Variants in ADAMTS3 observed in about 807,000 individuals in gnomAD.
ADAMTS3 encodes the protein A disintegrin and metalloproteinase with thrombospondin motifs 3.
In ADAMTS3, 73 loss-of-function variants were observed where a neutral mutation model predicts 129.0. That is an observed-to-expected ratio of 0.57 (90% CI 0.47 to 0.69). The LOEUF (loss-of-function observed/expected upper bound fraction) is 0.69, where lower values mean the gene tolerates loss of function less well. Among genes scored for constraint, ADAMTS3 ranks in the 30% least tolerant of loss-of-function variants. The pLI, the probability that ADAMTS3 is intolerant of heterozygous loss-of-function variation, is 0.00. For missense variants in ADAMTS3, 1,457 were observed against 1,514.5 expected, an observed-to-expected ratio of 0.96 and a Z score of 0.63; for synonymous variants, 477 against 510.8, an observed-to-expected ratio of 0.93 and a Z score of 0.89.
chr4:72,365,101 T>G (rs535848374), intron 4 of ADAMTS3, among the ~76,000 whole-genome samples: 1 of 152,190 alleles, frequency 6.6e-6, no homozygotes, highest in Non-Finnish European at 1.5e-5. Context: ...TTGAAGAATT[T>G]CATACTTGCA....
At chr4:72,559,743 T>C (rs1233918973) in intron 2 of ADAMTS3, among the ~76,000 whole-genome samples, 1 of 151,834 alleles carries the variant, frequency 6.6e-6, no homozygotes, top group African/African-American at 2.4e-5. Context: ...ATGAAGTAAA[T>C]AGTAGTATTT....
chr4:72,521,689 A>T (rs1405351788), intron 3 of ADAMTS3, among the ~76,000 whole-genome samples: 1 of 152,264 alleles, frequency 6.6e-6, no homozygotes, highest in African/African-American at 2.4e-5. Context: ...AATAGTGTAC[A>T]TTACCTCCAG....
intron 4 of ADAMTS3, among the ~76,000 whole-genome samples, chr4:72,350,574 T>C (rs1260509284): frequency 6.6e-6 from 1 of 152,028 alleles, no homozygotes; most frequent in Non-Finnish European, 1.5e-5. Flanking sequence ...TGTTCTTGGA[T>C]GCAGTTAAAT....
rs1319647831 is a variant in ADAMTS3, at chr4:72,499,574, A to G, written c.504+48904T>C. Among the ~76,000 whole-genome samples, 4 of 152,314 alleles carry G rather than the reference A, an allele frequency of 2.6e-5. No homozygotes were observed. In the East Asian group the frequency reaches 7.7e-4, roughly 29 times the overall value. ...TACTTGCCATATGTTGCACTCTACA[A>G]CAATGTATCTTCGGGGGCTCAGGCA... On this transcript the variant is annotated intron_variant, in intron 3 of 21. Transcript: ENST00000286657.
intron 4 of ADAMTS3, among the ~76,000 whole-genome samples, chr4:72,355,145 T>A (rs2109848750): frequency 6.6e-6 from 1 of 152,068 alleles, no homozygotes; most frequent in Non-Finnish European, 1.5e-5. Context: ...TCTACTCATT[T>A]TTTTTTGCAA....
chr4:72,423,014 G>T (rs1391553290), intron 3 of ADAMTS3, among the ~76,000 whole-genome samples: 2 of 152,204 alleles, frequency 1.3e-5, no homozygotes, highest in East Asian at 3.9e-4. Context: ...AAATTACAAT[G>T]TTTTCTTAAA....
rs116412608 is a variant in ADAMTS3, at chr4:72,426,613, G to A, written c.505-11642C>T. On this transcript the variant is annotated intron_variant, in intron 3 of 21. Coordinates refer to ENST00000286657, the MANE Select transcript of ADAMTS3 (RefSeq NM_014243.3). The stretch of plus-strand genomic sequence containing the variant: ...CAATAAAAAACTAAATTAGCTTGGC[G>A]AAGTGCTTCATGCCTATAATCCCAA... Among the ~76,000 whole-genome samples the A allele has an allele frequency of 5.4e-3, 821 of 152,214 alleles. 5 individuals carry two copies. Among genetic ancestry groups the A allele is most frequent in the African/African-American group, 0.019 (791 of 41,550 alleles).
At position 72,414,749 on chromosome 4, in the gene ADAMTS3, T is replaced by C. The variant is rs191696118; in HGVS notation, c.661+66A>G. 4.2e-5 allele frequency: 50 copies of C among 1,191,670 alleles called. No individual in the cohort carries two copies. In the Admixed American group the frequency reaches 9.9e-4, roughly 24 times the overall value. The allele number at this position is 1,191,670 out of a possible 1,614,324, so 73.8% of individuals were successfully genotyped here. On this transcript the variant is annotated intron_variant, in intron 4 of 21. Transcript: ENST00000286657. ...ATGGCAATCACATTCTCTTACTTGA[T>C]GGGAGAGTTGTTTTCATCATATCTT...
At chr4:72,552,118 T>C (rs1306467413) in intron 2 of ADAMTS3, among the ~76,000 whole-genome samples, 1 of 152,214 alleles carries the variant, frequency 6.6e-6, no homozygotes, top group Non-Finnish European at 1.5e-5. Context: ...ACTGCATTCA[T>C]AATTTTCACA....
In ADAMTS3 at chr4:72,295,615, T is replaced by C. The variant is rs746464271; in HGVS notation, c.2723+39A>G. On this transcript the variant is annotated intron_variant, in intron 19 of 21. Coordinates refer to ENST00000286657, the MANE Select transcript of ADAMTS3 (RefSeq NM_014243.3). ...AGAGCTAAAGGCAGTGAAGTCCTGA[T>C]TTTGACCTCCAGATATGATAGTTAA... is the stretch of plus-strand genomic sequence containing the variant. The C allele has an allele frequency of 7.6e-6, 12 of 1,580,100 alleles. No homozygotes were observed. In the Admixed American group the frequency reaches 2.2e-4, roughly 29 times the overall value.
intron 3 of ADAMTS3, among the ~76,000 whole-genome samples, chr4:72,440,295 A>G (rs1314078585): frequency 6.6e-6 from 1 of 151,840 alleles, no homozygotes; most frequent in Non-Finnish European, 1.5e-5. Context: ...AGTATCTAAA[A>G]GATATGTTTA....
chr4:72,368,051 G>A (rs1045574515), intron 4 of ADAMTS3, among the ~76,000 whole-genome samples: 8 of 152,072 alleles, frequency 5.3e-5, no homozygotes, highest in Non-Finnish European at 8.8e-5. Context: ...ACTCGTAAAT[G>A]TTTAGTGTTA....
At chr4:72,346,191 G>A (rs1720280149) in intron 4 of ADAMTS3, among the ~76,000 whole-genome samples, 1 of 152,046 alleles carries the variant, frequency 6.6e-6, no homozygotes, top group Non-Finnish European at 1.5e-5. Flanking sequence ...CTTAGGAACA[G>A]GTAAAAACCT....
At chr4:72,555,560 G>A (rs967531620) in intron 2 of ADAMTS3, among the ~76,000 whole-genome samples, 3 of 151,816 alleles carry the variant, frequency 2.0e-5, no homozygotes, top group Non-Finnish European at 2.9e-5. Context: ...CTCATGCAAT[G>A]TCTGTACAAA....
chr4:72,549,008 G>A, intron 2 of ADAMTS3, 124 bp from the exon 3 acceptor site: 1 of 795,358 alleles, frequency 1.3e-6, no homozygotes, highest in Non-Finnish European at 1.8e-6. Context: ...AGACATTCCT[G>A]AATCAGCTCA....
intron 2 of ADAMTS3, among the ~76,000 whole-genome samples, chr4:72,558,564 T>TGTAAC (rs1172060284): frequency 1.3e-5 from 2 of 151,780 alleles, no homozygotes; most frequent in East Asian, 3.8e-4. Context: ...CCCTTTGGCA[T>TGTAAC]GTAACATAAC....
intron 17 of ADAMTS3, among the ~76,000 whole-genome samples, chr4:72,300,867 C>G (rs1718931696): frequency 6.6e-6 from 1 of 152,146 alleles, no homozygotes; most frequent in East Asian, 1.9e-4. Flanking sequence ...TCATCTGAGG[C>G]CTTTCAGCAC....
intron 4 of ADAMTS3, among the ~76,000 whole-genome samples, chr4:72,390,907 A>C (rs1351851458): frequency 2.0e-5 from 3 of 151,996 alleles, no homozygotes; most frequent in East Asian, 1.9e-4. Context: ...AAAAAAAAAA[A>C]AACTGGCTAA....
chr4:72,534,780 G>A (rs1010491215), intron 3 of ADAMTS3, among the ~76,000 whole-genome samples: 5 of 152,132 alleles, frequency 3.3e-5, no homozygotes, highest in African/African-American at 1.2e-4. Flanking sequence ...CATTCTCATA[G>A]ATGAACATGT....
Sources: gnomAD v4.1 joint callset for allele counts (sites outside exome capture counted in the v4.1 genomes callset) on GRCh38, gnomAD v4.1.1 for gene constraint, MANE v1.5 for transcripts, NCBI Gene and HGNC (gene_info 2026-07-23, HGNC 2026-07-21) for gene names.